OXR1: variants seen among roughly 807,000 people sequenced by gnomAD.
The protein encoded by OXR1 is oxidation resistance 1, also known as oxidation resistance protein 1.
OXR1 carries 41 observed loss-of-function variants against 104.6 expected under a neutral mutation model. That is an observed-to-expected ratio of 0.39 (90% CI 0.31 to 0.51). The LOEUF (loss-of-function observed/expected upper bound fraction) is 0.51, where lower values mean the gene tolerates loss of function less well. Ranked by LOEUF, OXR1 falls within the 20% of genes least tolerant of loss-of-function variation. The pLI is 0.77. For synonymous variants in OXR1, 348 were observed against 348.4 expected, an observed-to-expected ratio of 1.00 and a Z score of 0.01; for missense variants, 955 against 1,031.9, an observed-to-expected ratio of 0.93 and a Z score of 1.02.
intron 7 of OXR1, among the ~76,000 whole-genome samples, chr8:106,694,097 C>T (rs763972453): frequency 9.2e-5 from 14 of 151,776 alleles, no homozygotes; most frequent in African/African-American, 3.1e-4. Context: ...ATTTCTAATT[C>T]GATTCTGTGT....
intron 3 of OXR1, among the ~76,000 whole-genome samples, chr8:106,591,910 A>C (rs1819124271): frequency 6.6e-6 from 1 of 152,238 alleles, no homozygotes; most frequent in South Asian, 2.1e-4. Context: ...ATAAAATGGT[A>C]AATGAGGGGA....
chr8:106,664,604 C>T (rs1418903172), intron 3 of OXR1, among the ~76,000 whole-genome samples: 1 of 152,122 alleles, frequency 6.6e-6, no homozygotes, highest in Non-Finnish European at 1.5e-5. Context: ...ACAAATTAGT[C>T]TTAAGAGTAT....
chr8:106,285,255 T>G (rs1812449116), intron 1 of OXR1, among the ~76,000 whole-genome samples: 1 of 152,200 alleles, frequency 6.6e-6, no homozygotes, highest in African/African-American at 2.4e-5. Context: ...GAATTAAAAG[T>G]CCTTGCAATC....
At chr8:106,436,531 A>AAAG (rs1392516070) in intron 2 of OXR1, among the ~76,000 whole-genome samples, 1 of 152,060 alleles carries the variant, frequency 6.6e-6, no homozygotes, top group Non-Finnish European at 1.5e-5. Context: ...GCAAAAAAAA[A>AAAG]AAATGAAGAT....
At chr8:106,316,717 CATCTATCTATCTATCTATCTATCT>C (rs71307053) in intron 1 of OXR1, among the ~76,000 whole-genome samples, 12 of 118,680 alleles carry the variant, frequency 1.0e-4, no homozygotes, top group Admixed American at 5.2e-4. Flanking sequence ...ATCTATCTAT[CATCTATCTATCTATCTATCTATCT>C]ATCTATCTAT....
chr8:106,653,400 A>T (rs1316562307), intron 3 of OXR1, among the ~76,000 whole-genome samples: 4 of 151,970 alleles, frequency 2.6e-5, no homozygotes, highest in Admixed American at 2.6e-4. Flanking sequence ...CAAGCATCAT[A>T]TTATACATTC....
chr8:106,677,572 G>T (rs1039304830), intron 3 of OXR1, among the ~76,000 whole-genome samples: 1 of 152,000 alleles, frequency 6.6e-6, no homozygotes, highest in Non-Finnish European at 1.5e-5. Flanking sequence ...GTTTAAATTT[G>T]CATTTATCTA....
At chr8:106,551,789 CATAT>C (rs200289561) in intron 3 of OXR1, among the ~76,000 whole-genome samples, 110 of 127,252 alleles carry the variant, frequency 8.6e-4, no homozygotes, top group East Asian at 6.1e-3. Context: ...CTCCACTATA[CATAT>C]ATATATATAT....
At chr8:106,692,679 T>C (rs778399873) in intron 6 of OXR1, 49 bp from the exon 7 acceptor site, 1 of 1,243,072 alleles carries the variant, frequency 8.0e-7, no homozygotes, top group South Asian at 1.8e-5. Context: ...TGCTCATTTT[T>C]ATTTTGTTTT....
chr8:106,750,603 T>A (rs1398137299), intron 16 of OXR1, among the ~76,000 whole-genome samples: 1 of 152,148 alleles, frequency 6.6e-6, no homozygotes, highest in Non-Finnish European at 1.5e-5. Context: ...GTGCTGGGAT[T>A]ACAGGCATGA....
intron 3 of OXR1, among the ~76,000 whole-genome samples, chr8:106,648,223 T>C (rs899954116): frequency 6.6e-6 from 1 of 152,128 alleles, no homozygotes; most frequent in Non-Finnish European, 1.5e-5. Flanking sequence ...TTCAGAGAGC[T>C]TGGTATATAG....
intron 3 of OXR1, among the ~76,000 whole-genome samples, chr8:106,676,945 C>T (rs1337667943): frequency 6.6e-6 from 1 of 151,908 alleles, no homozygotes; most frequent in East Asian, 1.9e-4. Flanking sequence ...AAAGTTAGTA[C>T]ATTAGTTTTC....
intron 2 of OXR1, among the ~76,000 whole-genome samples, chr8:106,493,059 A>T (rs1811200601): frequency 1.3e-5 from 2 of 152,218 alleles, no homozygotes; most frequent in South Asian, 2.1e-4. Context: ...TTTTAAAAAA[A>T]TTGAACTAGT....
At chr8:106,450,400 G>T in intron 2 of OXR1, among the ~76,000 whole-genome samples, 1 of 152,098 alleles carries the variant, frequency 6.6e-6, no homozygotes, top group South Asian at 2.1e-4. Context: ...AAGGAATTGG[G>T]TACATTTAAT....
chr8:106,504,506 C>T (rs188490669), intron 2 of OXR1, among the ~76,000 whole-genome samples: 2 of 152,258 alleles, frequency 1.3e-5, no homozygotes, highest in African/African-American at 4.8e-5. Context: ...CAATCCCTGA[C>T]CTCAAGTGGC....
At chr8:106,587,249 T>G (rs908246694) in intron 3 of OXR1, among the ~76,000 whole-genome samples, 1 of 152,078 alleles carries the variant, frequency 6.6e-6, no homozygotes, top group Non-Finnish European at 1.5e-5. Context: ...CGATGTGGTA[T>G]TGAGTCTGTG....
Position 106,706,794 on chromosome 8 carries a change from C to G in OXR1, c.1273C>G (p.Gln425Glu), listed in dbSNP as rs749918105. 3 of 1,612,362 alleles carry G rather than the reference C, an allele frequency of 1.9e-6. No individual in the cohort carries two copies. The highest frequency in any genetic ancestry group is 2.5e-6 in the Non-Finnish European group (3 of 1,179,496). Residue 425 changes from glutamine to glutamate, a missense_variant, in exon 9 of 17, where the codon CAG (glutamine) becomes GAG (glutamate). Transcript: ENST00000517566. ...TCTTGAAATGGCCATTAAGGAAGAT[C>G]AGATTGCAGATAACTTTCAAGGAAT... ...NNLEMAIKED[Q>E]IADNFQGISG...
intron 11 of OXR1, among the ~76,000 whole-genome samples, chr8:106,731,722 G>T (rs1198290419): frequency 6.6e-6 from 1 of 152,160 alleles, no homozygotes; most frequent in Non-Finnish European, 1.5e-5. Context: ...ATTTCTGAGT[G>T]TTTTATTGTG....
intron 3 of OXR1, among the ~76,000 whole-genome samples, chr8:106,672,118 A>C (rs1201791699): frequency 6.6e-6 from 1 of 151,728 alleles, no homozygotes; most frequent in East Asian, 1.9e-4. Context: ...CGGAGTTAAT[A>C]AATACTGAAT....
Sources: allele counts gnomAD v4.1 joint callset (sites outside exome capture counted in the v4.1 genomes callset), GRCh38; gene constraint gnomAD v4.1.1; transcripts MANE v1.5; gene names NCBI Gene and HGNC (gene_info 2026-07-23, HGNC 2026-07-21).